Variants in TFDP1 observed in about 807,000 individuals in gnomAD.
TFDP1 encodes the protein DRTF1-polypeptide 1.
TFDP1 carries 6 observed loss-of-function variants against 48.0 expected under a neutral mutation model. That is an observed-to-expected ratio of 0.13 (90% confidence interval 0.07 to 0.25). TFDP1 has a LOEUF of 0.25. Among genes scored for constraint, TFDP1 ranks in the 10% least tolerant of loss-of-function variants. TFDP1 has a pLI of 1.00. For synonymous variants in TFDP1, 201 were observed against 211.6 expected (o/e 0.95, Z 0.44); for missense variants, 335 against 543.0 (o/e 0.62, Z 3.81).
rs4150809 is a variant in TFDP1 at position 113,636,491 on chromosome 13, C to T, written c.840-43C>T. ...GCTCCACCCCAGTGTGTACCGTCTC[C>T]GCTGGGAGACCCTGTCTTTCTGACT... On this transcript the variant is annotated intron_variant, in intron 9 of 11. Coordinates refer to ENST00000375370, the MANE Select transcript of TFDP1 (RefSeq NM_007111.5). The T allele has an allele frequency of 7.7e-4, 1,235 of 1,604,130 alleles. 1 individual carries two copies. The highest frequency in any genetic ancestry group is 9.7e-4 in the Non-Finnish European group (1,143 of 1,175,270).
intron 2 of TFDP1, among the ~76,000 whole-genome samples, chr13:113,608,130 C>T (rs979123855): frequency 3.9e-5 from 6 of 152,184 alleles, no homozygotes; most frequent in African/African-American, 1.4e-4. Flanking sequence ...GGCAGCCGCT[C>T]TTCCTGGGGG....
chr13:113,592,479 C>T (rs548820671), intron 2 of TFDP1, among the ~76,000 whole-genome samples: 2 of 152,278 alleles, frequency 1.3e-5, no homozygotes, highest in Admixed American at 1.3e-4. Flanking sequence ...TTTCTATGGT[C>T]CAGTTTCTAA....
intron 2 of TFDP1, among the ~76,000 whole-genome samples, chr13:113,590,622 G>C (rs2048116281): frequency 6.6e-6 from 1 of 152,100 alleles, no homozygotes; most frequent in African/African-American, 2.4e-5. Flanking sequence ...ATGATGACGT[G>C]CTTGTTTTTA....
At chr13:113,586,227 G>C (rs979779692) in intron 2 of TFDP1, 3 of 169,512 alleles carry the variant, frequency 1.8e-5, no homozygotes, top group African/African-American at 7.1e-5. Context: ...CACATGAGAC[G>C]CTGGACGGGG....
intron 2 of TFDP1, among the ~76,000 whole-genome samples, chr13:113,590,685 G>C (rs1315167926): frequency 6.6e-6 from 1 of 152,086 alleles, no homozygotes; most frequent in Non-Finnish European, 1.5e-5. Flanking sequence ...GATGAGGTTA[G>C]AGAAACTCTG....
At position 113,597,556 on chromosome 13, in the gene TFDP1, G is replaced by A. The variant is rs979981226; in HGVS notation, c.12+11707G>A. ...AGGTGGGGACTCCTGGCCTCTGTGT[G>A]CTCGCCTGTCCCACGTGGGCGGCCA... is the stretch of plus-strand genomic sequence containing the variant. On this transcript the variant is annotated intron_variant, in intron 2 of 11. Coordinates refer to ENST00000375370, the MANE Select transcript of TFDP1 (RefSeq NM_007111.5). Among the ~76,000 whole-genome samples the A allele has an allele frequency of 1.6e-4, 25 of 152,224 alleles. 1 individual carries two copies. Among genetic ancestry groups the A allele is most frequent in the Non-Finnish European group, 8.8e-5 (6 of 68,024 alleles).
At chr13:113,624,728 G>C (rs1189721763) in intron 4 of TFDP1, among the ~76,000 whole-genome samples, 2 of 133,318 alleles carry the variant, frequency 1.5e-5, no homozygotes, top group Middle Eastern at 0.011. Context: ...ATGTCCTCAC[G>C]TGTCTCTCAG....
intron 3 of TFDP1, among the ~76,000 whole-genome samples, chr13:113,619,024 G>A (rs2048930286): frequency 6.6e-6 from 1 of 152,200 alleles, no homozygotes; most frequent in South Asian, 2.1e-4. Flanking sequence ...CAGACTCGGG[G>A]GGAGGCTGAG....
chr13:113,593,103 G>A (rs2048186978), intron 2 of TFDP1, among the ~76,000 whole-genome samples: 1 of 147,350 alleles, frequency 6.8e-6, no homozygotes, highest in Non-Finnish European at 1.5e-5. Context: ...CTGCCCAGGT[G>A]ACAGGTGTGC....
At chr13:113,637,951 A>C in intron 11 of TFDP1, 55 bp downstream of exon 11, 11 of 1,592,160 alleles carry the variant, frequency 6.9e-6, no homozygotes, top group Non-Finnish European at 9.4e-6. Flanking sequence ...CCCGGGGTCC[A>C]GGGGCCAAGG....
intron 3 of TFDP1, among the ~76,000 whole-genome samples, chr13:113,615,665 A>C (rs557266507): frequency 6.6e-6 from 1 of 152,280 alleles, no homozygotes; most frequent in East Asian, 1.9e-4. Flanking sequence ...GTGCTTTGGG[A>C]GACTGCAGTG....
At position 113,627,202 on chromosome 13, in the gene TFDP1, T is replaced by C. The variant is rs1307105564; in HGVS notation, c.186+3916T>C. 6.6e-6 allele frequency among the ~76,000 whole-genome samples: 1 copy of C among 152,220 alleles called. No individual in the cohort carries two copies. Among genetic ancestry groups the C allele is most frequent in the African/African-American group, 2.4e-5 (1 of 41,452 alleles). ...GTGAGTGAAAGCGGTGGGGAGGTCC[T>C]TAGGTCTCTGACCTGCACCAGTCAG... On this transcript the variant is annotated intron_variant, in intron 4 of 11. Coordinates refer to ENST00000375370, the MANE Select transcript of TFDP1 (RefSeq NM_007111.5). The surrounding 1 kb of genome is among the most constrained non-coding windows in gnomAD (Gnocchi z 4.1).
intron 2 of TFDP1, among the ~76,000 whole-genome samples, chr13:113,588,702 T>G (rs1319255082): frequency 6.7e-6 from 1 of 149,704 alleles, no homozygotes; most frequent in South Asian, 2.1e-4. Flanking sequence ...AGTTAGAGAG[T>G]GAGTGGTGGT....
chr13:113,621,220 C>T (rs571312298), intron 3 of TFDP1, among the ~76,000 whole-genome samples: 3 of 152,314 alleles, frequency 2.0e-5, no homozygotes, highest in South Asian at 4.1e-4. Flanking sequence ...GGCGGCCGTC[C>T]GGGGAGGCCC....
intron 3 of TFDP1, among the ~76,000 whole-genome samples, chr13:113,611,493 C>T (rs1029918683): frequency 9.2e-5 from 14 of 152,308 alleles, no homozygotes; most frequent in East Asian, 1.9e-4. Flanking sequence ...TTTAACGCTT[C>T]GCGTGTGTAT....
At chr13:113,613,909 GTGTGTGCATGCGTGTGAGT>G (rs2048783523) in intron 3 of TFDP1, among the ~76,000 whole-genome samples, 1 of 151,256 alleles carries the variant, frequency 6.6e-6, no homozygotes, top group South Asian at 2.1e-4. Flanking sequence ...GAGTTTGCGT[GTGTGTGCATGCGTGTGAGT>G]TGTGTGCGTG....
At position 113,607,920 on chromosome 13, in the gene TFDP1, T is replaced by A. The variant is rs1298486364; in HGVS notation, c.13-3076T>A. 1.3e-5 allele frequency among the ~76,000 whole-genome samples: 2 copies of A among 151,928 alleles called. No individual in the cohort carries two copies. Among genetic ancestry groups the A allele is most frequent in the Non-Finnish European group, 2.9e-5 (2 of 67,966 alleles). On this transcript the variant is annotated intron_variant, in intron 2 of 11. Transcript: ENST00000375370. The surrounding 1 kb of genome is among the most constrained non-coding windows in gnomAD (Gnocchi z 5.2). ...GCCGCAGCCCCCATGGCTGCCGAGG[T>A]CTCCCCTGGGCAGGGGCAGTTGGTG...
chr13:113,628,593 GGGAC>G (rs2049252249), intron 4 of TFDP1, among the ~76,000 whole-genome samples: 2 of 152,242 alleles, frequency 1.3e-5, no homozygotes, highest in South Asian at 4.1e-4. Context: ...TGGTTGGAGT[GGGAC>G]CCACAGCCTC....
Position 113,585,752 on chromosome 13 carries a change from CTTTT to C in TFDP1, c.-64-9_-64-6del, listed in dbSNP as rs113638790. On this transcript the variant is annotated intron_variant, in intron 1 of 11. Transcript: ENST00000375370. ...CTTACTTATTTCTTGTTTTTCCTTACTTTTTTTTTTTTTTTTACCAGAAAAATCA... is the reference window on the plus strand; with the variant it reads ...CTTACTTATTTCTTGTTTTTCCTTACTTTTTTTTTTTTACCAGAAAAATCA... The C allele has an allele frequency of 5.3e-4, 576 of 1,090,078 alleles. No individual in the cohort carries two copies. Among genetic ancestry groups the C allele is most frequent in the South Asian group, 9.4e-4 (59 of 62,462 alleles). 67.5% of individuals were successfully genotyped at this position (1,090,078 alleles called of 1,614,324 possible). A position where few individuals can be genotyped will look rare whatever the true frequency, so the allele number is the denominator to read the frequency against.
Sources: allele counts gnomAD v4.1 joint callset (sites outside exome capture counted in the v4.1 genomes callset), GRCh38; gene constraint gnomAD v4.1.1; non-coding constraint Gnocchi (gnomAD v3.1); transcripts MANE v1.5; gene names NCBI Gene and HGNC (gene_info 2026-07-23, HGNC 2026-07-21).